The following GREB1 variants were observed in gnomAD, a reference collection of about 807,000 sequenced individuals.
The protein encoded by GREB1 is growth regulating estrogen receptor binding 1.
In GREB1, 106 loss-of-function variants were observed where a neutral mutation model predicts 200.7. That is an observed-to-expected ratio of 0.53 (90% CI 0.45 to 0.62). The LOEUF (loss-of-function observed/expected upper bound fraction) is 0.62, where lower values mean the gene tolerates loss of function less well. Ranked by LOEUF, GREB1 falls within the 20% of genes least tolerant of loss-of-function variation. The pLI, the probability that GREB1 is intolerant of heterozygous loss-of-function variation, is 0.00. For missense variants in GREB1, 2,243 were observed against 2,556.8 expected (o/e 0.88, Z 2.65); for synonymous variants, 1,132 against 1,092.4 (o/e 1.04, Z -0.72).
Position 11,586,007 on chromosome 2 carries a change from A to G in GREB1, c.1159+102A>G. On this transcript the variant is annotated intron_variant, in intron 9 of 32. Coordinates refer to ENST00000381486, the MANE Select transcript of GREB1 (RefSeq NM_014668.4). ...CTCATCCCGGTCTGACTCCAAGGGT[A>G]TCCTCCTGAGACAAACCTAAAATGC... 7 of 1,259,626 alleles carry G rather than the reference A, an allele frequency of 5.6e-6. No individual in the cohort carries two copies. The South Asian group carries it at 6.5e-5, about 12-fold the overall frequency. 78.0% of individuals were successfully genotyped at this position (1,259,626 alleles called of 1,614,324 possible). A position where few individuals can be genotyped will look rare whatever the true frequency, so the allele number is the denominator to read the frequency against.
intron 21 of GREB1, 144 bp downstream of exon 21, chr2:11,616,864 G>T (rs1683449994): frequency 1.6e-6 from 1 of 632,494 alleles, no homozygotes; most frequent in Non-Finnish European, 2.8e-6. Flanking sequence ...TGAAGTGCTA[G>T]ACTCTCTAGA....
chr2:11,483,206 G>GGGTGT (rs1572534349), intron 1 of GREB1, among the ~76,000 whole-genome samples: 4 of 151,342 alleles, frequency 2.6e-5, no homozygotes, highest in East Asian at 2.0e-4. Flanking sequence ...TATAGGTGTG[G>GGGTGT]GCGCGCGTGT....
intron 1 of GREB1, among the ~76,000 whole-genome samples, chr2:11,505,207 A>G (rs1276429855): frequency 6.6e-6 from 1 of 152,162 alleles, no homozygotes; most frequent in Non-Finnish European, 1.5e-5. Context: ...GCTGGGATTA[A>G]GGCATGAGCC....
intron 20 of GREB1, among the ~76,000 whole-genome samples, chr2:11,616,314 C>T (rs967507156): frequency 6.6e-6 from 1 of 152,232 alleles, no homozygotes; most frequent in East Asian, 1.9e-4. Flanking sequence ...GGCCAGATGC[C>T]CCCCTCTTCC....
At chr2:11,542,100 A>C (rs1376280608) in intron 1 of GREB1, among the ~76,000 whole-genome samples, 1 of 152,114 alleles carries the variant, frequency 6.6e-6, no homozygotes, top group Non-Finnish European at 1.5e-5. Context: ...TCTTCAGGGC[A>C]GGAACTGTGT....
intron 2 of GREB1, among the ~76,000 whole-genome samples, chr2:11,556,988 C>T (rs1264645827): frequency 6.6e-6 from 1 of 152,184 alleles, no homozygotes; most frequent in Non-Finnish European, 1.5e-5. Context: ...TTCATTGAAT[C>T]AGTAGGAGAA....
chr2:11,606,929 C>T (rs1442049994), intron 17 of GREB1, among the ~76,000 whole-genome samples: 5 of 151,756 alleles, frequency 3.3e-5, no homozygotes, highest in East Asian at 3.9e-4. Context: ...ATTACAGGCA[C>T]GCACCACCAC....
At chr2:11,528,525 A>G (rs140473047) in intron 1 of GREB1, among the ~76,000 whole-genome samples, 15 of 152,212 alleles carry the variant, frequency 9.9e-5, no homozygotes, top group African/African-American at 3.4e-4. Context: ...GAGTCTCGCT[A>G]TGTAGCCCAG....
rs370120053 is a variant in GREB1 at position 11,514,929 on chromosome 2, A to G, written c.-159+32548A>G. On this transcript the variant is annotated intron_variant, in intron 1 of 2. Transcript: ENST00000628795. ...ATTAGTTGAATCCATCCGTCCACAC[A>G]TGTATCCATCTTCCCATCTCTTCCT... Among the ~76,000 whole-genome samples, 5 of 152,248 alleles carry G rather than the reference A, an allele frequency of 3.3e-5. No homozygotes were observed. The East Asian group carries it at 7.7e-4, about 24-fold the overall frequency.
intron 1 of GREB1, among the ~76,000 whole-genome samples, chr2:11,520,070 C>T (rs1372273179): frequency 1.3e-5 from 2 of 152,018 alleles, no homozygotes; most frequent in African/African-American, 4.8e-5. Context: ...CCCAGGAGGT[C>T]GAGGCTGCAG....
chr2:11,554,926 T>C (rs913558623), intron 1 of GREB1, among the ~76,000 whole-genome samples: 10 of 152,192 alleles, frequency 6.6e-5, no homozygotes, highest in Non-Finnish European at 1.0e-4. Flanking sequence ...CATTGCTGTC[T>C]TGACTGTTTA....
chr2:11,602,341 A>C, intron 16 of GREB1, 65 bp from the exon 17 acceptor site: 1 of 1,507,860 alleles, frequency 6.6e-7, no homozygotes, highest in South Asian at 1.1e-5. Context: ...CAGGCCTGGC[A>C]CACGAACCTC....
intron 1 of GREB1, among the ~76,000 whole-genome samples, chr2:11,529,031 A>G (rs1224481435): frequency 6.6e-6 from 1 of 152,242 alleles, no homozygotes; most frequent in Middle Eastern, 3.2e-3. Flanking sequence ...GAAAGTTCCC[A>G]TTCACCAGAA....
chr2:11,624,038 G>C (rs749738271), intron 23 of GREB1, among the ~76,000 whole-genome samples: 2 of 152,208 alleles, frequency 1.3e-5, no homozygotes, highest in Non-Finnish European at 2.9e-5. Flanking sequence ...TTACAAAAGA[G>C]TCAAAGAGTT....
rs187385360 is a variant in GREB1 at position 11,595,557 on chromosome 2, C to T, written c.1825+178C>T. 2.2e-4 allele frequency among the ~76,000 whole-genome samples: 34 copies of T among 152,260 alleles called. No homozygotes were observed. In the East Asian group the frequency reaches 5.0e-3, roughly 22 times the overall value. ...CCTTTCTTTTCTTGAGTGACAGCTG[C>T]GGGTTCTGGCTGGCCATCTCTTCCT... On this transcript the variant is annotated intron_variant, in intron 12 of 32. Transcript: ENST00000381486.
At chr2:11,591,609 C>G in intron 10 of GREB1, 2 of 611,034 alleles carry the variant, frequency 3.3e-6, no homozygotes, top group South Asian at 2.0e-5. Context: ...ATGCACCGTT[C>G]GCGTGGTAAA....
Position 11,578,341 on chromosome 2 carries a change from C to G in GREB1, c.682C>G (p.Leu228Val). 6.2e-7 allele frequency: 1 copy of G among 1,614,154 alleles called. No homozygotes were observed. The highest frequency in any genetic ancestry group is 8.5e-7 in the Non-Finnish European group (1 of 1,180,016). ...QIPASTCSSSLFPALESTAAF... is the reference protein window; with the variant it reads ...QIPASTCSSSVFPALESTAAF... ...CCCCGCCAGTACTTGTTCCAGTTCC[C>G]TCTTCCCAGCCCTGGAGAGCACGGC... The change falls in exon 6 of 33, where the codon CTC (leucine) becomes GTC (valine). Residue 228 changes from leucine to valine, a missense_variant. Physicochemically the swap from Leu to Val is conservative, Grantham distance 32. Around this residue, in one of 3 missense-constraint regions of GREB1, gnomAD observed 1,178 missense variants for 1,387.4 expected, o/e 0.85. Coordinates refer to ENST00000381486, the MANE Select transcript of GREB1 (RefSeq NM_014668.4).
chr2:11,553,172 T>G lies in GREB1; in HGVS notation c.-161-3282T>G, dbSNP rs369906963. 1.2e-4 allele frequency among the ~76,000 whole-genome samples: 18 copies of G among 152,154 alleles called. No individual in the cohort carries two copies. The East Asian group carries it at 1.3e-3, about 11-fold the overall frequency. On this transcript the variant is annotated intron_variant, in intron 1 of 32. Transcript: ENST00000381486. ...TATTTGCTTACAGACATTAAAACTT[T>G]GATGTTTGTTTAGGGCTATAAAATA...
rs1401245069 is a variant in GREB1 at position 11,538,687 on chromosome 2, T to G, written c.-162+4433T>G. On this transcript the variant is annotated intron_variant, in intron 1 of 32. Transcript: ENST00000381486. ...TTTCTTTCTTTCTTTCTTTCTTTCT[T>G]TCCTTCCTCCCTCCCTCCCTCCCTT... is the stretch of plus-strand genomic sequence containing the variant. 8.0e-4 allele frequency among the ~76,000 whole-genome samples: 55 copies of G among 68,874 alleles called. 4 individuals are homozygous for G. Among genetic ancestry groups the G allele is most frequent in the African/African-American group, 2.0e-3 (46 of 23,546 alleles). 45.2% of individuals were successfully genotyped at this position (68,874 alleles called of 152,430 possible).
Sources: gnomAD v4.1 joint callset for allele counts (sites outside exome capture counted in the v4.1 genomes callset) on GRCh38, gnomAD v4.1.1 for gene constraint, gnomAD v4.1.1 regional missense constraint, MANE v1.5 for transcripts, NCBI Gene and HGNC (gene_info 2026-07-23, HGNC 2026-07-21) for gene names.